The following PINX1 variants were observed in gnomAD, a reference collection of about 807,000 sequenced individuals.
PINX1 encodes PIN2/TERF1-interacting telomerase inhibitor 1.
A neutral mutation model predicts 25.4 loss-of-function variants in PINX1; 34 were observed. The ratio of observed to expected loss-of-function variants is 1.34; its 90% CI spans 1.02 to 1.78. The LOEUF is 1.78. Among genes scored for constraint, PINX1 ranks in the 40% most tolerant of loss-of-function variants. The pLI is 0.00. For synonymous variants in PINX1, 197 were observed against 147.7 expected (o/e 1.33, Z -2.42); for missense variants, 592 against 404.9 (o/e 1.46, Z -3.97).
chr8:10,792,754 G>A (rs538140479), intron 6 of PINX1, among the ~76,000 whole-genome samples: 1 of 152,168 alleles, frequency 6.6e-6, no homozygotes, highest in Non-Finnish European at 1.5e-5. Flanking sequence ...TCAGGGACAC[G>A]ATTAATTGCT....
chr8:10,793,812 T>G (rs1051889419), intron 6 of PINX1, among the ~76,000 whole-genome samples: 1 of 152,320 alleles, frequency 6.6e-6, no homozygotes, highest in Admixed American at 6.5e-5. Flanking sequence ...AATGCTGTTG[T>G]AACAAATCAT....
intron 4 of PINX1, among the ~76,000 whole-genome samples, chr8:10,828,565 C>T (rs187354445): frequency 6.6e-6 from 1 of 152,186 alleles, no homozygotes; most frequent in East Asian, 1.9e-4. Flanking sequence ...CACGCCGTGC[C>T]CTCACAGAGC....
At chr8:10,804,313 C>G (rs1284130620) in intron 6 of PINX1, among the ~76,000 whole-genome samples, 2 of 152,196 alleles carry the variant, frequency 1.3e-5, no homozygotes, top group African/African-American at 2.4e-5. Flanking sequence ...TTAATAAAAA[C>G]CTGCCAAATA....
At chr8:10,823,820 C>A (rs531678227) in intron 5 of PINX1, among the ~76,000 whole-genome samples, 60 of 152,162 alleles carry the variant, frequency 3.9e-4, no homozygotes, top group African/African-American at 1.3e-3. Context: ...AGAGTGAGAT[C>A]CTGTCTCAAA....
chr8:10,834,798 A>C (rs1266845675), intron 1 of PINX1, 23 bp from the exon 2 acceptor site: 3 of 1,555,934 alleles, frequency 1.9e-6, no homozygotes, highest in Non-Finnish European at 2.7e-6. Context: ...AAGCATTATC[A>C]TCAGCAATGG....
intron 1 of PINX1, among the ~76,000 whole-genome samples, chr8:10,835,798 G>C (rs550674025): frequency 2.0e-5 from 3 of 152,004 alleles, no homozygotes; most frequent in Non-Finnish European, 4.4e-5. Flanking sequence ...AGAAGAGGGA[G>C]AGGAAAAAAG....
At position 10,765,981 on chromosome 8, in the gene PINX1, G is replaced by A. The variant is rs917008100; in HGVS notation, c.472-65C>T. The A allele has an allele frequency of 1.0e-5, 16 of 1,525,872 alleles. No homozygotes were observed. The South Asian group carries it at 1.9e-4, about 19-fold the overall frequency. 94.5% of individuals were successfully genotyped at this position (1,525,872 alleles called of 1,614,324 possible). A position where few individuals can be genotyped will look rare whatever the true frequency, so the allele number is the denominator to read the frequency against. ...ACTGTTCATCCCTCACCGCACCCAG[G>A]AGGCACCCACACCCGGCGCTCACAC... On this transcript the variant is annotated intron_variant, in intron 6 of 6. Transcript: ENST00000314787.
chr8:10,813,818 C>T (rs534516328), intron 6 of PINX1, among the ~76,000 whole-genome samples: 6 of 148,090 alleles, frequency 4.1e-5, no homozygotes, highest in South Asian at 2.1e-4. Context: ...ACTCTGGTTT[C>T]GGAGTATTTT....
At chr8:10,828,476 G>C (rs1453577495) in intron 4 of PINX1, among the ~76,000 whole-genome samples, 1 of 152,156 alleles carries the variant, frequency 6.6e-6, no homozygotes, top group Non-Finnish European at 1.5e-5. Context: ...GGACGACACT[G>C]ATAAGGCACA....
At position 10,764,998 on chromosome 8, in the gene PINX1, A is replaced by C. The variant is rs1800982292; in HGVS notation, c.*403T>G. The C allele has an allele frequency of 6.0e-6, 1 of 167,550 alleles. No homozygotes were observed. Among genetic ancestry groups the C allele is most frequent in the African/African-American group, 2.4e-5 (1 of 42,076 alleles). 10.4% of individuals were successfully genotyped at this position (167,550 alleles called of 1,614,324 possible). A position where few individuals can be genotyped will look rare whatever the true frequency, so the allele number is the denominator to read the frequency against. On this transcript the variant is annotated 3_prime_UTR_variant, in exon 7 of 7. Transcript: ENST00000314787. ...ATCCTTTAATTAGGCTGAGTCTTTC[A>C]GAAGAAAGCACCATTCATTGTTATT...
intron 1 of PINX1, among the ~76,000 whole-genome samples, chr8:10,838,651 G>C (rs1334933025): frequency 1.3e-5 from 2 of 152,172 alleles, no homozygotes; most frequent in South Asian, 2.1e-4. Flanking sequence ...AGCTATCTAG[G>C]CTCTAACCCT....
In PINX1 at chr8:10,765,810, G is replaced by A. The variant is rs1477894226; in HGVS notation, c.578C>T (p.Pro193Leu). The A allele has an allele frequency of 1.2e-6, 2 of 1,613,900 alleles. No individual in the cohort carries two copies. The highest frequency in any genetic ancestry group is 1.7e-6 in the Non-Finnish European group (2 of 1,179,882). ...AKRMAALKNK[P>L]QVPVPGSDIS... is the part of the protein sequence containing the mutation. ...GTCAGACCCTGGAACTGGAACCTGG[G>A]GCTTGTTCTTCAGTGCTGCCATCCG... is the stretch of plus-strand genomic sequence containing the variant. Residue 193 changes from proline to leucine, a missense_variant, in exon 7 of 7, where the codon CCC (proline) becomes CTC (leucine). Pro to Leu is a moderately conservative substitution (Grantham distance 98). Coordinates refer to ENST00000314787, the MANE Select transcript of PINX1 (RefSeq NM_017884.6).
At chr8:10,769,640 C>T (rs995272171) in intron 6 of PINX1, among the ~76,000 whole-genome samples, 3 of 152,206 alleles carry the variant, frequency 2.0e-5, no homozygotes, top group Admixed American at 6.5e-5. Flanking sequence ...GGCATCTCAG[C>T]CAACTCTTGC....
intron 6 of PINX1, among the ~76,000 whole-genome samples, chr8:10,788,234 C>G (rs1166715995): frequency 6.6e-6 from 1 of 152,150 alleles, no homozygotes; most frequent in Non-Finnish European, 1.5e-5. Context: ...TACTTTTATA[C>G]ACATGTAAAG....
intron 4 of PINX1, among the ~76,000 whole-genome samples, chr8:10,831,404 T>C (rs1277588209): frequency 6.6e-6 from 1 of 152,168 alleles, no homozygotes; most frequent in African/African-American, 2.4e-5. Context: ...AATAATATTT[T>C]ATTTTATATT....
At chr8:10,798,271 T>G (rs1174484629) in intron 6 of PINX1, among the ~76,000 whole-genome samples, 1 of 152,240 alleles carries the variant, frequency 6.6e-6, no homozygotes, top group Non-Finnish European at 1.5e-5. Context: ...CTCACATGTG[T>G]GCTGCTGAAA....
intron 6 of PINX1, among the ~76,000 whole-genome samples, chr8:10,818,967 G>C (rs914897097): frequency 6.6e-6 from 1 of 152,206 alleles, no homozygotes; most frequent in Non-Finnish European, 1.5e-5. Context: ...GGTACAACCA[G>C]AAGCCAGCCT....
At chr8:10,820,568 C>A (rs1797837609) in intron 5 of PINX1, among the ~76,000 whole-genome samples, 1 of 152,168 alleles carries the variant, frequency 6.6e-6, no homozygotes, top group South Asian at 2.1e-4. Flanking sequence ...TCACCCTACT[C>A]CCGCTATGCC....
intron 6 of PINX1, among the ~76,000 whole-genome samples, chr8:10,818,073 G>C (rs1797754945): frequency 6.6e-6 from 1 of 152,182 alleles, no homozygotes; most frequent in African/African-American, 2.4e-5. Context: ...GGACGACCTT[G>C]TTGAGAACTA....
Sources: allele counts gnomAD v4.1 joint callset (sites outside exome capture counted in the v4.1 genomes callset), GRCh38; gene constraint gnomAD v4.1.1; transcripts MANE v1.5; gene names NCBI Gene and HGNC (gene_info 2026-07-23, HGNC 2026-07-21).